Variants in TEX264 observed in about 807,000 individuals in gnomAD.
TEX264 encodes testis expressed 264, ER-phagy receptor.
A neutral mutation model predicts 23.4 loss-of-function variants in TEX264; 13 were observed. The ratio of observed to expected loss-of-function variants is 0.56; its 90% CI spans 0.36 to 0.88. TEX264 has a LOEUF of 0.88. Among genes scored for constraint, TEX264 ranks in the 40% least tolerant of loss-of-function variants. TEX264 has a pLI of 0.01. For synonymous variants in TEX264, 159 were observed against 170.0 expected (o/e 0.94, Z 0.50); for missense variants, 340 against 406.8 (o/e 0.84, Z 1.41).
intron 4 of TEX264, among the ~76,000 whole-genome samples, chr3:51,700,095 C>G (rs527392537): frequency 6.6e-6 from 1 of 152,168 alleles, no homozygotes; most frequent in Non-Finnish European, 1.5e-5. Flanking sequence ...GATCAGTCAC[C>G]TGTGCCTTTC....
At chr3:51,692,859 G>A (rs1702877873) in intron 3 of TEX264, among the ~76,000 whole-genome samples, 1 of 152,248 alleles carries the variant, frequency 6.6e-6, no homozygotes, top group Admixed American at 6.5e-5. Context: ...CTCTCCTTGG[G>A]GTACTCACTC....
At position 51,674,397 on chromosome 3, in the gene TEX264, G is replaced by A; in HGVS notation, c.93G>A (p.Leu31=). ...CCTTTGCCGGGTACTCAGGGCTACT[G>A]GCTGGGGTGGAAGTGAGTGCTGGGT... ...LLAFAGYSGL[L]AGVEVSAGSP... The change falls in exon 2 of 5, where the codon CTG becomes CTA. Residue 31 remains leucine, a synonymous_variant. Transcript: ENST00000341333. 1 of 1,614,224 alleles carries A rather than the reference G, an allele frequency of 6.2e-7. No individual in the cohort carries two copies. The highest frequency in any genetic ancestry group is 1.1e-5 in the South Asian group (1 of 91,088).
Position 51,694,903 on chromosome 3 carries a change from G to C in TEX264, c.481-4503G>C, listed in dbSNP as rs566086798. ...GGGCCAGAAGCTTTGGGGCAGCCTG[G>C]TGGGGGTGAGAGGAAAGTTTCCGGG... On this transcript the variant is annotated intron_variant, in intron 3 of 4. Transcript: ENST00000341333. Among the ~76,000 whole-genome samples the C allele has an allele frequency of 2.7e-4, 41 of 152,320 alleles. No homozygotes were observed. In the South Asian group the frequency reaches 7.7e-3, roughly 29 times the overall value.
At chr3:51,693,562 C>T (rs953725715) in intron 3 of TEX264, among the ~76,000 whole-genome samples, 2 of 151,444 alleles carry the variant, frequency 1.3e-5, no homozygotes, top group African/African-American at 2.4e-5. Context: ...TCACTGCAAC[C>T]TCTGCCTCCC....
chr3:51,700,564 A>G (rs551956475), intron 4 of TEX264, among the ~76,000 whole-genome samples: 8 of 151,982 alleles, frequency 5.3e-5, no homozygotes, highest in Non-Finnish European at 8.8e-5. Context: ...CAGTGCCCCT[A>G]CTGTGGGCAC....
chr3:51,684,189 T>G (rs1577505390), intron 2 of TEX264: 2 of 561,338 alleles, frequency 3.6e-6, no homozygotes, highest in Middle Eastern at 4.8e-4. Flanking sequence ...GCATGGCATG[T>G]TTGTTGAAGG....
In TEX264 at chr3:51,674,464, A is replaced by G. The variant is rs754113085; in HGVS notation, c.160A>G (p.Met54Val). The G allele has an allele frequency of 8.7e-6, 14 of 1,614,170 alleles. No homozygotes were observed. The highest frequency in any genetic ancestry group is 1.2e-5 in the Non-Finnish European group (14 of 1,180,036). ...RNVTVAYKFH[M>V]GLYGETGRLF... Reference sequence around the variant, plus strand: ...CGTCACTGTGGCCTACAAGTTCCACATGGGGCTCTATGGTGAGACTGGGCG... The same window carrying G: ...CGTCACTGTGGCCTACAAGTTCCACGTGGGGCTCTATGGTGAGACTGGGCG... The change falls in exon 2 of 5, where the codon ATG becomes GTG. Residue 54 changes from methionine (M) to valine (V), a missense_variant. Physicochemically the swap from Met to Val is conservative, Grantham distance 21. Transcript: ENST00000341333.
At chr3:51,690,423 T>C (rs544209299) in intron 3 of TEX264, among the ~76,000 whole-genome samples, 1 of 152,214 alleles carries the variant, frequency 6.6e-6, no homozygotes, top group African/African-American at 2.4e-5. Flanking sequence ...TCTCAGCTAC[T>C]CAGGAGGCTG....
intron 3 of TEX264, among the ~76,000 whole-genome samples, chr3:51,692,960 C>T (rs969510416): frequency 1.3e-5 from 2 of 152,254 alleles, no homozygotes; most frequent in Non-Finnish European, 2.9e-5. Flanking sequence ...TCTTGGCCCT[C>T]TGGGCCTAGA....
rs1205731543 is a variant in TEX264, at chr3:51,686,955, C to G, written c.480+2321C>G. 6.6e-6 allele frequency among the ~76,000 whole-genome samples: 1 copy of G among 152,182 alleles called. No homozygotes were observed. Among genetic ancestry groups the G allele is most frequent in the Admixed American group, 6.5e-5 (1 of 15,282 alleles). ...CTGGCTTCAGGGGTTTATTTTTAGA[C>G]ACCTTTGTCCAAATTTCCCGGCCCC... is the stretch of plus-strand genomic sequence containing the variant. On this transcript the variant is annotated intron_variant, in intron 3 of 4. Coordinates refer to ENST00000341333, the MANE Select transcript of TEX264 (RefSeq NM_015926.6). The surrounding 1 kb of genome is among the most constrained non-coding windows in gnomAD (Gnocchi z 4.1).
chr3:51,702,918 G>T (rs1432963780), intron 4 of TEX264, among the ~76,000 whole-genome samples: 1 of 152,160 alleles, frequency 6.6e-6, no homozygotes, highest in Non-Finnish European at 1.5e-5. Flanking sequence ...ACTGGTTTGG[G>T]GCACCCCAAC....
rs1397968016 is a variant in TEX264 at position 51,703,506 on chromosome 3, C to CTCCCTCCCTCCT, written c.650-206_650-195dup. ...AGCTGCCTCCTCCCACCCTCTCTCC[C>CTCCCTCCCTCCT]TCCCTCCCTCCTTCCCTCCCTCCCT... On this transcript the variant is annotated intron_variant, in intron 4 of 4. Transcript: ENST00000341333. This position sits in a 1 kb window ranked among gnomAD's most constrained non-coding sequence, Gnocchi z 4.8. 5.2e-4 allele frequency among the ~76,000 whole-genome samples: 78 copies of CTCCCTCCCTCCT among 151,130 alleles called. No individual in the cohort carries two copies. The highest frequency in any genetic ancestry group is 1.9e-3 in the African/African-American group (77 of 40,522).
At chr3:51,681,113 C>T (rs1186984773) in intron 2 of TEX264, among the ~76,000 whole-genome samples, 2 of 152,150 alleles carry the variant, frequency 1.3e-5, no homozygotes, top group Admixed American at 1.3e-4. Flanking sequence ...AGGAAGTGTT[C>T]TTACTTGTGG....
At chr3:51,697,930 T>C (rs1344352930) in intron 3 of TEX264, among the ~76,000 whole-genome samples, 1 of 152,222 alleles carries the variant, frequency 6.6e-6, no homozygotes, top group Non-Finnish European at 1.5e-5. Flanking sequence ...TAAAAAATAA[T>C]GACTTTCCTT....
In TEX264 at chr3:51,704,030, C is replaced by T. The variant is rs182500036; in HGVS notation, c.*14C>T. The T allele has an allele frequency of 4.2e-5, 62 of 1,486,134 alleles. No individual in the cohort carries two copies. Among genetic ancestry groups the T allele is most frequent in the Middle Eastern group, 3.6e-4 (2 of 5,492 alleles). The allele number at this position is 1,486,134 out of a possible 1,614,324, so 92.1% of individuals were successfully genotyped here. A position where few individuals can be genotyped will look rare whatever the true frequency, so the allele number is the denominator to read the frequency against. On this transcript the variant is annotated 3_prime_UTR_variant, in exon 5 of 5. Transcript: ENST00000341333. ...GGCAAGGAGTAACCCATGGCCTGCACCCTCCTGCAGTGCAGTTGCTGAGGA... is the reference window on the plus strand; with the variant it reads ...GGCAAGGAGTAACCCATGGCCTGCATCCTCCTGCAGTGCAGTTGCTGAGGA...
intron 3 of TEX264, among the ~76,000 whole-genome samples, chr3:51,696,624 G>A (rs1703069536): frequency 6.6e-6 from 1 of 152,196 alleles, no homozygotes; most frequent in Admixed American, 6.5e-5. Flanking sequence ...GCCCCCACTA[G>A]AGTCATTCTT....
At chr3:51,677,218 A>G (rs1370515730) in intron 2 of TEX264, among the ~76,000 whole-genome samples, 1 of 152,226 alleles carries the variant, frequency 6.6e-6, no homozygotes, top group Non-Finnish European at 1.5e-5. Context: ...TTTAACAAAT[A>G]TCTGAGCACC....
chr3:51,703,197 T>C lies in TEX264; in HGVS notation c.650-527T>C, dbSNP rs1163783392. 6.6e-6 allele frequency among the ~76,000 whole-genome samples: 1 copy of C among 152,236 alleles called. No homozygotes were observed. Among genetic ancestry groups the C allele is most frequent in the Admixed American group, 6.5e-5 (1 of 15,288 alleles). On this transcript the variant is annotated intron_variant, in intron 4 of 4. Coordinates refer to ENST00000341333, the MANE Select transcript of TEX264 (RefSeq NM_015926.6). This position sits in a 1 kb window ranked among gnomAD's most constrained non-coding sequence, Gnocchi z 4.8. ...GGCCTGCTGACTCCCTGGATGCTGC[T>C]CCTGGGAGCCCTGCACGGGGGAGGG...
At chr3:51,695,640 G>A (rs1214565229) in intron 3 of TEX264, among the ~76,000 whole-genome samples, 1 of 152,234 alleles carries the variant, frequency 6.6e-6, no homozygotes, top group African/African-American at 2.4e-5. Context: ...GTCTTGCCCT[G>A]TTGTGGGAGC....
Sources: allele counts gnomAD v4.1 joint callset (sites outside exome capture counted in the v4.1 genomes callset), GRCh38; gene constraint gnomAD v4.1.1; non-coding constraint Gnocchi (gnomAD v3.1); transcripts MANE v1.5; gene names NCBI Gene and HGNC (gene_info 2026-07-23, HGNC 2026-07-21).